Variants in TRMT9B observed in about 807,000 individuals in gnomAD.
TRMT9B encodes probable tRNA methyltransferase 9B.
A neutral mutation model predicts 11.5 loss-of-function variants in TRMT9B; 16 were observed. The observed-to-expected ratio is 1.39, with a 90% CI of 0.94 to 2.11. The LOEUF (loss-of-function observed/expected upper bound fraction) is 2.11. Among genes scored for constraint, TRMT9B ranks in the 30% most tolerant of loss-of-function variants. The pLI is 0.00. For synonymous variants in TRMT9B, 274 were observed against 192.4 expected, an observed-to-expected ratio of 1.42 and a Z score of -3.51; for missense variants, 941 against 553.8, an observed-to-expected ratio of 1.70 and a Z score of -7.02.
At chr8:12,978,992 G>T (rs1804916082) in intron 1 of TRMT9B, among the ~76,000 whole-genome samples, 1 of 152,152 alleles carries the variant, frequency 6.6e-6, no homozygotes, top group South Asian at 2.1e-4. Context: ...AACCTTCTGG[G>T]TTTGACTTTG....
intron 3 of TRMT9B, among the ~76,000 whole-genome samples, chr8:13,009,078 G>A (rs1042062857): frequency 2.6e-5 from 1 of 39,056 alleles, no homozygotes; most frequent in Non-Finnish European, 4.5e-5. Context: ...GTAAAAAAAG[G>A]ACCAGCATCC....
chr8:13,004,248 C>G (rs1809998904), intron 2 of TRMT9B, among the ~76,000 whole-genome samples: 2 of 151,912 alleles, frequency 1.3e-5, no homozygotes, highest in Admixed American at 1.3e-4. Flanking sequence ...AGGACTGCAG[C>G]TCCTAGGTGA....
rs970044715 is a variant in TRMT9B, at chr8:13,021,082, G to A, written c.403G>A (p.Gly135Ser). ...AATGGCCAGGGTCTTAGTTCCCGGA[G>A]GCCAACTGATGATTTACGTTTGGGC... is the stretch of plus-strand genomic sequence containing the variant. ...KEMARVLVPGGQLMIYVWAME... is the reference protein window; with the variant it reads ...KEMARVLVPGSQLMIYVWAME... Residue 135 changes from glycine (G) to serine (S), a missense_variant, in exon 5 of 5, where the codon GGC becomes AGC. By Grantham distance (56) the Gly-to-Ser change is moderately conservative. Coordinates refer to ENST00000524591, the MANE Select transcript of TRMT9B (RefSeq NM_020844.3). The A allele has an allele frequency of 3.7e-6, 6 of 1,606,816 alleles. No homozygotes were observed. The highest frequency in any genetic ancestry group is 1.3e-5 in the African/African-American group (1 of 74,858).
rs1346084124 is a variant in TRMT9B at position 13,024,693 on chromosome 8, C to T, written c.*2649C>T. The stretch of plus-strand genomic sequence containing the variant: ...CTTTGTATGAAAGGGTTCTCTAGAA[C>T]GGTTCTTTGGAGAGAAATATTTTCA... On this transcript the variant is annotated 3_prime_UTR_variant, in exon 5 of 5. Transcript: ENST00000524591. The T allele has an allele frequency of 3.6e-5, 6 of 167,010 alleles. No homozygotes were observed. The highest frequency in any genetic ancestry group is 7.2e-5 in the African/African-American group (3 of 41,444). The allele number at this position is 167,010 out of a possible 1,614,324, so 10.3% of individuals were successfully genotyped here.
rs1044829004 is a variant in TRMT9B at position 13,022,264 on chromosome 8, T to A, written c.*220T>A. ...AAGGGTATTTGTGCTTAAATGTTAA[T>A]ATACAAGATCTGAAGAAGCAACAGA... is the stretch of plus-strand genomic sequence containing the variant. On this transcript the variant is annotated 3_prime_UTR_variant, in exon 5 of 5. Transcript: ENST00000524591. 8.4e-6 allele frequency: 4 copies of A among 478,156 alleles called. No homozygotes were observed. Among genetic ancestry groups the A allele is most frequent in the African/African-American group, 6.0e-5 (3 of 49,912 alleles). 29.6% of individuals were successfully genotyped at this position (478,156 alleles called of 1,614,324 possible). A position where few individuals can be genotyped will look rare whatever the true frequency, so the allele number is the denominator to read the frequency against.
chr8:12,971,930 T>C (rs1304247260), intron 1 of TRMT9B, among the ~76,000 whole-genome samples: 1 of 152,154 alleles, frequency 6.6e-6, no homozygotes, highest in Non-Finnish European at 1.5e-5. Context: ...AAAACCCTAA[T>C]TTCATGGAAT....
chr8:12,993,224 G>T (rs1277307195), intron 2 of TRMT9B, among the ~76,000 whole-genome samples: 1 of 152,168 alleles, frequency 6.6e-6, no homozygotes, highest in Non-Finnish European at 1.5e-5. Context: ...CCCGTAGGCA[G>T]CAGAGGTCCC....
chr8:13,006,132 G>C (rs887723426), intron 2 of TRMT9B, 70 bp from the exon 3 acceptor site: 4 of 1,464,506 alleles, frequency 2.7e-6, no homozygotes, highest in Non-Finnish European at 3.7e-6. Context: ...TAGGAAATCT[G>C]CATCCTCCTT....
At chr8:12,998,019 T>G (rs558771474) in intron 2 of TRMT9B, among the ~76,000 whole-genome samples, 5 of 152,320 alleles carry the variant, frequency 3.3e-5, no homozygotes, top group Non-Finnish European at 5.9e-5. Context: ...CCCCTTTGTG[T>G]GTGTTTCCTG....
chr8:13,022,128 G>C lies in TRMT9B; in HGVS notation c.*84G>C, dbSNP rs1158470807. On this transcript the variant is annotated 3_prime_UTR_variant, in exon 5 of 5. Transcript: ENST00000524591. ...ATATGGTTACCTGAATTTGCATTCA[G>C]TGTTATTTGTTAATCCATTTACGCT... The C allele has an allele frequency of 1.0e-6, 1 of 983,154 alleles. No individual in the cohort carries two copies. The highest frequency in any genetic ancestry group is 1.5e-6 in the Non-Finnish European group (1 of 670,842). 60.9% of individuals were successfully genotyped at this position (983,154 alleles called of 1,614,324 possible).
At chr8:12,967,809 G>A (rs2056315906) in intron 1 of TRMT9B, among the ~76,000 whole-genome samples, 1 of 152,222 alleles carries the variant, frequency 6.6e-6, no homozygotes, top group Admixed American at 6.5e-5. Context: ...TTGAAGCATT[G>A]TTAACAGTTT....
chr8:12,952,980 C>T (rs1381693527), intron 1 of TRMT9B, among the ~76,000 whole-genome samples: 3 of 152,058 alleles, frequency 2.0e-5, no homozygotes, highest in Non-Finnish European at 4.4e-5. Context: ...CCTCGTGATC[C>T]GCCTGCCTCG....
Position 12,979,509 on chromosome 8 carries a change from G to A in TRMT9B, c.-199-11325G>A, listed in dbSNP as rs2466260. Among the ~76,000 whole-genome samples the A allele has an allele frequency of 6.8e-3, 1,041 of 152,172 alleles. 15 individuals carry two copies. Among genetic ancestry groups the A allele is most frequent in the African/African-American group, 0.024 (997 of 41,512 alleles). On this transcript the variant is annotated intron_variant, in intron 1 of 4. Transcript: ENST00000524591. The stretch of plus-strand genomic sequence containing the variant: ...AAAAAATAAAAAAATAAAGGTTTGT[G>A]TTTCTTTTTTCTTAAGCTCATTCAA...
intron 2 of TRMT9B, among the ~76,000 whole-genome samples, chr8:12,992,724 G>A (rs1807585613): frequency 6.6e-6 from 1 of 151,914 alleles, no homozygotes; most frequent in Non-Finnish European, 1.5e-5. Flanking sequence ...AGCCAGGTGT[G>A]ACGGCATGCA....
At chr8:12,962,426 T>C (rs1316730054) in intron 1 of TRMT9B, among the ~76,000 whole-genome samples, 4 of 152,238 alleles carry the variant, frequency 2.6e-5, no homozygotes, top group Non-Finnish European at 5.9e-5. Flanking sequence ...TGGCAGTATG[T>C]GCATACAGAA....
intron 1 of TRMT9B, among the ~76,000 whole-genome samples, chr8:12,985,335 C>T (rs1806111590): frequency 6.6e-6 from 1 of 152,150 alleles, no homozygotes; most frequent in African/African-American, 2.4e-5. Context: ...TGTTCCTTTC[C>T]TTAGCATTTC....
chr8:12,998,033 G>T (rs78111394), intron 2 of TRMT9B, among the ~76,000 whole-genome samples: 1 of 151,990 alleles, frequency 6.6e-6, no homozygotes, highest in African/African-American at 2.4e-5. Context: ...TTTCCTGCCC[G>T]TCTCCTGACC....
At chr8:13,006,575 C>A (rs1414902809) in intron 3 of TRMT9B, 8 of 1,421,730 alleles carry the variant, frequency 5.6e-6, no homozygotes, top group African/African-American at 1.4e-5. Context: ...TGAAATTGCA[C>A]CCTTGGCATG....
In TRMT9B at chr8:13,027,729, T is replaced by G. The variant is rs77336795; in HGVS notation, c.*5685T>G. On this transcript the variant is annotated 3_prime_UTR_variant, in exon 5 of 5. Transcript: ENST00000524591. ...GAAAAATGCACGATACAGGCTTCAT[T>G]CTATCAAGAGGCATATGAGGTAAGC... The G allele has an allele frequency of 2.6e-3, 437 of 167,202 alleles. No individual in the cohort carries two copies. Among genetic ancestry groups the G allele is most frequent in the Middle Eastern group, 0.017 (5 of 296 alleles). The allele number at this position is 167,202 out of a possible 1,614,324, so 10.4% of individuals were successfully genotyped here.
Sources: gnomAD v4.1 joint callset for allele counts (sites outside exome capture counted in the v4.1 genomes callset) on GRCh38, gnomAD v4.1.1 for gene constraint, MANE v1.5 for transcripts, NCBI Gene and HGNC (gene_info 2026-07-23, HGNC 2026-07-21) for gene names.